The following REEP3 variants were observed in gnomAD, a reference collection of about 807,000 sequenced individuals.
REEP3 encodes receptor expression-enhancing protein 3.
REEP3 carries 20 observed loss-of-function variants against 41.3 expected under a neutral mutation model. The ratio of observed to expected loss-of-function variants is 0.48; its 90% CI spans 0.34 to 0.70. The LOEUF (loss-of-function observed/expected upper bound fraction) is 0.70, where lower values mean the gene tolerates loss of function less well. Among genes scored for constraint, REEP3 ranks in the 30% least tolerant of loss-of-function variants. REEP3 has a pLI of 0.01. For missense variants in REEP3, 271 were observed against 308.8 expected (o/e 0.88, Z 0.92); for synonymous variants, 104 against 101.8 (o/e 1.02, Z -0.13).
intron 1 of REEP3, chr10:63,521,973 A>C (rs1469958731): frequency 6.6e-6 from 1 of 151,606 alleles, no homozygotes. Context: ...CGCGCCTCGC[A>C]GCTGCTCCCT....
At chr10:63,535,086 AAAT>A (rs1955462146) in intron 1 of REEP3, among the ~76,000 whole-genome samples, 3 of 152,158 alleles carry the variant, frequency 2.0e-5, no homozygotes, top group African/African-American at 7.2e-5. Flanking sequence ...ATGTGAAGAG[AAAT>A]AATAATTTTT....
intron 1 of REEP3, among the ~76,000 whole-genome samples, chr10:63,552,610 G>A (rs1329915990): frequency 6.6e-6 from 1 of 152,148 alleles, no homozygotes; most frequent in East Asian, 1.9e-4. Flanking sequence ...TCATGATGAG[G>A]AATTTTAACA....
At chr10:63,551,769 G>T (rs761095239) in intron 1 of REEP3, among the ~76,000 whole-genome samples, 13 of 152,078 alleles carry the variant, frequency 8.5e-5, no homozygotes, top group Non-Finnish European at 1.5e-4. Context: ...TAAATGGATG[G>T]GATCCCAGAT....
chr10:63,540,507 T>C (rs963855889), intron 1 of REEP3, among the ~76,000 whole-genome samples: 1 of 152,144 alleles, frequency 6.6e-6, no homozygotes, highest in Non-Finnish European at 1.5e-5. Context: ...AAATAATATG[T>C]AATAAAAATC....
At chr10:63,601,923 A>G (rs1218725526) in intron 5 of REEP3, among the ~76,000 whole-genome samples, 2 of 151,944 alleles carry the variant, frequency 1.3e-5, no homozygotes, top group Admixed American at 6.6e-5. Flanking sequence ...CTCCATCTCA[A>G]AAAATACTAA....
At chr10:63,567,680 G>A (rs546672639) in intron 2 of REEP3, among the ~76,000 whole-genome samples, 41 of 152,174 alleles carry the variant, frequency 2.7e-4, no homozygotes, top group African/African-American at 8.0e-4. Context: ...GAGCACCTGC[G>A]TTTGATTCTT....
chr10:63,552,054 A>G (rs1955633450), intron 1 of REEP3, among the ~76,000 whole-genome samples: 1 of 152,210 alleles, frequency 6.6e-6, no homozygotes, highest in Non-Finnish European at 1.5e-5. Flanking sequence ...CTTAATTATT[A>G]TATCTCCTAA....
chr10:63,557,729 A>C (rs1955702691), intron 1 of REEP3, among the ~76,000 whole-genome samples: 1 of 152,162 alleles, frequency 6.6e-6, no homozygotes, highest in Non-Finnish European at 1.5e-5. Flanking sequence ...TTTTTTTCCA[A>C]ATTGATATGT....
chr10:63,589,313 C>T (rs1190438708), intron 2 of REEP3, among the ~76,000 whole-genome samples: 1 of 80,124 alleles, frequency 1.2e-5, no homozygotes, highest in East Asian at 2.0e-4. Context: ...AGTGCTGGAA[C>T]CTTCTATTTT....
At chr10:63,595,153 G>A (rs1256883158) in intron 3 of REEP3, among the ~76,000 whole-genome samples, 1 of 152,176 alleles carries the variant, frequency 6.6e-6, no homozygotes. Flanking sequence ...GATGACTTCA[G>A]AACATTTTCC....
chr10:63,603,312 CAAAAAAAAA>C (rs67364276), intron 5 of REEP3, among the ~76,000 whole-genome samples: 1 of 62,858 alleles, frequency 1.6e-5, no homozygotes, highest in Non-Finnish European at 2.8e-5. Flanking sequence ...GACTCTGTCT[CAAAAAAAAA>C]AAAAAAAAAA....
intron 1 of REEP3, among the ~76,000 whole-genome samples, chr10:63,564,327 A>G (rs1186808384): frequency 6.6e-6 from 1 of 152,240 alleles, no homozygotes; most frequent in African/African-American, 2.4e-5. Flanking sequence ...GCTGGTATTC[A>G]GAAACACACA....
intron 1 of REEP3, among the ~76,000 whole-genome samples, chr10:63,544,875 G>A (rs771065503): frequency 2.0e-4 from 31 of 152,206 alleles, no homozygotes; most frequent in Admixed American, 9.8e-4. Context: ...AATTCTCCCC[G>A]TATGTATATG....
chr10:63,550,443 G>A (rs1955617890), intron 1 of REEP3, among the ~76,000 whole-genome samples: 1 of 152,184 alleles, frequency 6.6e-6, no homozygotes, highest in Non-Finnish European at 1.5e-5. Context: ...TGTCAGCAGT[G>A]TGGATGAACA....
chr10:63,598,007 A>G lies in REEP3; in HGVS notation c.183-17A>G. On this transcript the variant is annotated splice_polypyrimidine_tract_variant and intron_variant, in intron 3 of 7. Coordinates refer to ENST00000373758, the MANE Select transcript of REEP3 (RefSeq NM_001001330.3). ...GTTTTTCACTGGCAGTTTATTTCCA[A>G]ATGTTTTTCTTATTAGGTTTCCCCT... is the stretch of plus-strand genomic sequence containing the variant. 1 of 1,589,222 alleles carries G rather than the reference A, an allele frequency of 6.3e-7. No individual in the cohort carries two copies. Among genetic ancestry groups the G allele is most frequent in the Non-Finnish European group, 8.5e-7 (1 of 1,170,442 alleles).
chr10:63,605,062 G>A (rs1037969423), intron 5 of REEP3, among the ~76,000 whole-genome samples: 1 of 152,054 alleles, frequency 6.6e-6, no homozygotes, highest in African/African-American at 2.4e-5. Flanking sequence ...AGCACAGGAC[G>A]TTCCCCACAA....
chr10:63,579,597 T>C (rs778203597), intron 2 of REEP3, among the ~76,000 whole-genome samples: 4 of 152,334 alleles, frequency 2.6e-5, no homozygotes, highest in South Asian at 2.1e-4. Context: ...TAGCTTCCAA[T>C]GAAAATGCTT....
In REEP3 at chr10:63,527,716, A is replaced by G. The variant is rs1770827770; in HGVS notation, c.32+6139A>G. Reference sequence around the variant, plus strand: ...GAAAAATAATTTTTTTAAAAAAAGGATAGTCTATACACCATCTTCACTTTC... The same window carrying G: ...GAAAAATAATTTTTTTAAAAAAAGGGTAGTCTATACACCATCTTCACTTTC... On this transcript the variant is annotated intron_variant, in intron 1 of 7. Coordinates refer to ENST00000373758, the MANE Select transcript of REEP3 (RefSeq NM_001001330.3). 3.3e-5 allele frequency among the ~76,000 whole-genome samples: 5 copies of G among 152,022 alleles called. 1 individual carries two copies. In the South Asian group the frequency reaches 1.0e-3, roughly 32 times the overall value.
At chr10:63,526,632 T>C (rs1394463540) in intron 1 of REEP3, among the ~76,000 whole-genome samples, 1 of 152,112 alleles carries the variant, frequency 6.6e-6, no homozygotes, top group East Asian at 1.9e-4. Context: ...TTGTTTTCTT[T>C]TGTATTTTAT....
Sources: allele counts gnomAD v4.1 joint callset (sites outside exome capture counted in the v4.1 genomes callset), GRCh38; gene constraint gnomAD v4.1.1; transcripts MANE v1.5; gene names NCBI Gene and HGNC (gene_info 2026-07-23, HGNC 2026-07-21).